RBMS3: variants seen among roughly 807,000 people sequenced by gnomAD.
RBMS3 encodes RNA-binding motif, single-stranded-interacting protein 3.
RBMS3 carries 27 observed loss-of-function variants against 66.8 expected under a neutral mutation model. The observed-to-expected ratio is 0.40, with a 90% CI of 0.30 to 0.56. The LOEUF (loss-of-function observed/expected upper bound fraction) is 0.56. Ranked by LOEUF, RBMS3 falls within the 20% of genes least tolerant of loss-of-function variation. The pLI, the probability that RBMS3 is intolerant of heterozygous loss-of-function variation, is 0.40. For missense variants in RBMS3, 513 were observed against 549.5 expected (o/e 0.93, Z 0.66); for synonymous variants, 188 against 183.0 (o/e 1.03, Z -0.22).
At chr3:29,846,591 T>G (rs2058782818) in intron 6 of RBMS3, among the ~76,000 whole-genome samples, 1 of 152,218 alleles carries the variant, frequency 6.6e-6, no homozygotes, top group African/African-American at 2.4e-5. Flanking sequence ...CTGCTTGTTA[T>G]GAATGCTATT....
chr3:29,335,115 A>G (rs1214755885), intron 1 of RBMS3, among the ~76,000 whole-genome samples: 1 of 149,516 alleles, frequency 6.7e-6, no homozygotes, highest in Non-Finnish European at 1.5e-5. Context: ...TATGTTTGAC[A>G]TTTTTTTTTT....
intron 1 of RBMS3, among the ~76,000 whole-genome samples, chr3:29,302,642 A>G (rs1020700296): frequency 1.3e-5 from 2 of 152,224 alleles, no homozygotes; most frequent in East Asian, 1.9e-4. Context: ...ATTTTAAAAT[A>G]TATCTAAAGG....
chr3:29,577,912 C>T (rs995735674), intron 3 of RBMS3, among the ~76,000 whole-genome samples: 88 of 152,100 alleles, frequency 5.8e-4, no homozygotes, highest in African/African-American at 2.0e-3. Context: ...TGAGATGATG[C>T]TTTTCTGTGT....
chr3:29,400,577 TG>T (rs2039762114), intron 1 of RBMS3, among the ~76,000 whole-genome samples: 1 of 151,954 alleles, frequency 6.6e-6, no homozygotes, highest in Admixed American at 6.6e-5. Context: ...TGGTAGATTT[TG>T]TTTATTCTAC....
intron 4 of RBMS3, among the ~76,000 whole-genome samples, chr3:29,725,874 C>T (rs1195256871): frequency 6.6e-6 from 1 of 152,118 alleles, no homozygotes; most frequent in African/African-American, 2.4e-5. Context: ...CCAGCATCAT[C>T]CTGATAACAA....
intron 6 of RBMS3, among the ~76,000 whole-genome samples, chr3:29,811,173 A>G (rs1576875990): frequency 6.6e-6 from 1 of 152,194 alleles, no homozygotes; most frequent in Admixed American, 6.5e-5. Flanking sequence ...TTTCTCTCTC[A>G]GGTGGTGTAA....
chr3:29,605,023 C>T (rs569581490), intron 4 of RBMS3, among the ~76,000 whole-genome samples: 1 of 151,910 alleles, frequency 6.6e-6, no homozygotes, highest in Non-Finnish European at 1.5e-5. Flanking sequence ...TATTCATACA[C>T]TACAACTTTC....
chr3:29,584,549 A>G (rs1306261075), intron 3 of RBMS3, among the ~76,000 whole-genome samples: 1 of 152,120 alleles, frequency 6.6e-6, no homozygotes, highest in Non-Finnish European at 1.5e-5. Flanking sequence ...AACATGTCTC[A>G]GACCAATAAT....
At chr3:29,974,846 T>G (rs1697456592) in intron 12 of RBMS3, among the ~76,000 whole-genome samples, 1 of 144,946 alleles carries the variant, frequency 6.9e-6, no homozygotes, top group African/African-American at 2.5e-5. Context: ...TTTATATTTT[T>G]ATATATAAAA....
At chr3:29,324,899 T>C (rs1575545852) in intron 1 of RBMS3, among the ~76,000 whole-genome samples, 2 of 151,760 alleles carry the variant, frequency 1.3e-5, no homozygotes, top group East Asian at 3.9e-4. Context: ...CCCACTGTTA[T>C]TTTTTTTTCT....
intron 10 of RBMS3, 129 bp from the exon 11 acceptor site, chr3:29,935,957 A>C (rs2371906): frequency 0.026 from 18,768 of 728,024 alleles, 595 homozygotes; most frequent in East Asian, 0.12. Context: ...TATACAGTTG[A>C]ATTTAGCCTT....
At chr3:29,695,951 A>G (rs991083019) in intron 4 of RBMS3, among the ~76,000 whole-genome samples, 1 of 152,202 alleles carries the variant, frequency 6.6e-6, no homozygotes, top group Non-Finnish European at 1.5e-5. Flanking sequence ...GAGATGGCCA[A>G]GGGACAAAGG....
chr3:29,579,727 A>G (rs2047259128), intron 3 of RBMS3, among the ~76,000 whole-genome samples: 1 of 152,208 alleles, frequency 6.6e-6, no homozygotes, highest in Non-Finnish European at 1.5e-5. Flanking sequence ...ATATTTGAAC[A>G]CTGCATGTTA....
chr3:29,797,467 T>C (rs916245061), intron 6 of RBMS3, among the ~76,000 whole-genome samples: 7 of 152,214 alleles, frequency 4.6e-5, no homozygotes, highest in Non-Finnish European at 1.0e-4. Flanking sequence ...TAAAACTTTC[T>C]CCAGATCAGC....
intron 4 of RBMS3, among the ~76,000 whole-genome samples, chr3:29,706,243 A>T (rs2052886307): frequency 6.6e-6 from 1 of 152,198 alleles, no homozygotes; most frequent in Non-Finnish European, 1.5e-5. Flanking sequence ...GACATTCATA[A>T]TTACTTGCTT....
intron 1 of RBMS3, among the ~76,000 whole-genome samples, chr3:29,293,952 A>G (rs1295528445): frequency 6.8e-6 from 1 of 146,748 alleles, no homozygotes; most frequent in Non-Finnish European, 1.5e-5. Flanking sequence ...TTGGGTTTTA[A>G]TTTATCTTTT....
chr3:29,701,349 G>A (rs1183326362), intron 4 of RBMS3, among the ~76,000 whole-genome samples: 1 of 152,162 alleles, frequency 6.6e-6, no homozygotes, highest in African/African-American at 2.4e-5. Context: ...CTAGGAACCA[G>A]AATGTAAGAG....
chr3:29,674,183 G>A (rs1409670113), intron 4 of RBMS3, among the ~76,000 whole-genome samples: 2 of 152,064 alleles, frequency 1.3e-5, no homozygotes, highest in African/African-American at 4.8e-5. Context: ...TGCAGAAAAG[G>A]CCTTTGACAA....
intron 1 of RBMS3, among the ~76,000 whole-genome samples, chr3:29,365,956 C>A (rs1376270751): frequency 6.6e-6 from 1 of 152,072 alleles, no homozygotes; most frequent in Non-Finnish European, 1.5e-5. Flanking sequence ...CTGGGAACCT[C>A]ATATTTGAAT....
Sources: allele counts gnomAD v4.1 joint callset (sites outside exome capture counted in the v4.1 genomes callset), GRCh38; gene constraint gnomAD v4.1.1; transcripts MANE v1.5; gene names NCBI Gene and HGNC (gene_info 2026-07-23, HGNC 2026-07-21).